RAB11FIP3: variants seen among roughly 807,000 people sequenced by gnomAD.
The protein encoded by RAB11FIP3 is RAB11 family interacting protein 3.
Under a neutral mutation model 77.8 loss-of-function variants are expected in RAB11FIP3, and 17 were observed. That is an observed-to-expected ratio of 0.22 (90% CI 0.15 to 0.33). The LOEUF is 0.33. Among genes scored for constraint, RAB11FIP3 ranks in the 10% least tolerant of loss-of-function variants. The probability of loss-of-function intolerance (pLI) is 1.00; values close to 1 mark genes in which losing one functional copy is unlikely to be tolerated. For missense variants in RAB11FIP3, 1,005 were observed against 1,011.2 expected, an observed-to-expected ratio of 0.99 and a Z score of 0.08; for synonymous variants, 437 against 448.2, an observed-to-expected ratio of 0.98 and a Z score of 0.31.
chr16:501,732 GAGA>G (rs1355095463), intron 6 of RAB11FIP3, among the ~76,000 whole-genome samples: 1 of 135,276 alleles, frequency 7.4e-6, no homozygotes, highest in Non-Finnish European at 1.6e-5. Context: ...GACAAGTTCG[GAGA>G]AGGTCCCCCA....
At chr16:491,735 C>T (rs1429315451) in intron 5 of RAB11FIP3, among the ~76,000 whole-genome samples, 3 of 152,180 alleles carry the variant, frequency 2.0e-5, no homozygotes. Context: ...TGTGGCTGGC[C>T]CTCATGTCTA....
At chr16:510,018 C>G (rs769232178) in intron 8 of RAB11FIP3, among the ~76,000 whole-genome samples, 4 of 152,226 alleles carry the variant, frequency 2.6e-5, no homozygotes, top group Non-Finnish European at 5.9e-5. Context: ...CCTGGCACCT[C>G]CACGCCCCGT....
intron 5 of RAB11FIP3, among the ~76,000 whole-genome samples, chr16:489,434 G>C (rs896281481): frequency 3.3e-5 from 5 of 152,184 alleles, no homozygotes; most frequent in Non-Finnish European, 5.9e-5. Flanking sequence ...AGCACAACAC[G>C]CAGTGGGCGA....
chr16:492,386 A>AGGGCCCTCCCCGG lies in RAB11FIP3; in HGVS notation c.1265+3387_1265+3388insGGCCCTCCCCGGG, dbSNP rs1567391915. Reference sequence around the variant, plus strand: ...CTTCCCGGGAGACCCGAGGCCGCCCAGAGCCCTCCCCGGGAGACCCGAGGC... The same window carrying AGGGCCCTCCCCGG: ...CTTCCCGGGAGACCCGAGGCCGCCCAGGGCCCTCCCCGGGAGCCCTCCCCGGGAGACCCGAGGC... On this transcript the variant is annotated intron_variant, in intron 5 of 13. Transcript: ENST00000262305. Among the ~76,000 whole-genome samples, 103 of 143,460 alleles carry AGGGCCCTCCCCGG rather than the reference A, an allele frequency of 7.2e-4. 8 individuals carry two copies. Among genetic ancestry groups the AGGGCCCTCCCCGG allele is most frequent in the Middle Eastern group, 3.8e-3 (1 of 266 alleles). 94.1% of individuals were successfully genotyped at this position (143,460 alleles called of 152,430 possible).
At chr16:496,901 G>A (rs1846628611) in intron 6 of RAB11FIP3, 42 bp downstream of exon 6, 3 of 1,497,864 alleles carry the variant, frequency 2.0e-6, no homozygotes, top group Non-Finnish European at 2.8e-6. Flanking sequence ...GTTCTGAAGT[G>A]GATAATTAAT....
chr16:481,170 C>T (rs1025366529), intron 3 of RAB11FIP3, among the ~76,000 whole-genome samples: 1 of 151,918 alleles, frequency 6.6e-6, no homozygotes, highest in Non-Finnish European at 1.5e-5. Context: ...CAGGTTGGAG[C>T]ACAGTGGTGT....
At chr16:431,911 C>T (rs1325675326) in intron 1 of RAB11FIP3, among the ~76,000 whole-genome samples, 5 of 151,958 alleles carry the variant, frequency 3.3e-5, no homozygotes, top group Non-Finnish European at 7.4e-5. Flanking sequence ...CGCCCGCCAC[C>T]CCTCCCGGCT....
At chr16:477,984 G>A (rs1258675938) in intron 3 of RAB11FIP3, among the ~76,000 whole-genome samples, 3 of 152,128 alleles carry the variant, frequency 2.0e-5, no homozygotes, top group Non-Finnish European at 4.4e-5. Context: ...ACCCCCGTTT[G>A]CGGCAGGGCT....
At chr16:431,993 A>C (rs1285929977) in intron 1 of RAB11FIP3, among the ~76,000 whole-genome samples, 1 of 151,828 alleles carries the variant, frequency 6.6e-6, no homozygotes, top group Non-Finnish European at 1.5e-5. Flanking sequence ...TCCTGACCGC[A>C]TGATCCGCCC....
chr16:461,876 G>A lies in RAB11FIP3; in HGVS notation c.808+379G>A, dbSNP rs926965918. Among the ~76,000 whole-genome samples the A allele has an allele frequency of 2.6e-5, 4 of 152,144 alleles. No homozygotes were observed. Reference sequence around the variant, plus strand: ...CGTCGCACTCTCTCCCCACGTCTCTGTCCATCTCCAGTCTGTCCCCCAGCC... The same window carrying A: ...CGTCGCACTCTCTCCCCACGTCTCTATCCATCTCCAGTCTGTCCCCCAGCC... On this transcript the variant is annotated intron_variant, in intron 2 of 13. Transcript: ENST00000262305. The surrounding 1 kb of genome is among the most constrained non-coding windows in gnomAD (Gnocchi z 4.5).
chr16:495,446 C>T (rs1017269773), intron 5 of RAB11FIP3, among the ~76,000 whole-genome samples: 6 of 152,234 alleles, frequency 3.9e-5, no homozygotes, highest in African/African-American at 1.4e-4. Context: ...CCCTAGAGAA[C>T]AGCTACCCGA....
At chr16:445,244 C>A (rs371592610) in intron 1 of RAB11FIP3, among the ~76,000 whole-genome samples, 2 of 151,082 alleles carry the variant, frequency 1.3e-5, no homozygotes, top group African/African-American at 4.9e-5. Context: ...ACCAGCCTGG[C>A]CAACATGGTG....
intron 1 of RAB11FIP3, among the ~76,000 whole-genome samples, chr16:429,264 A>G (rs1425636226): frequency 1.3e-5 from 2 of 152,126 alleles, no homozygotes; most frequent in Non-Finnish European, 2.9e-5. Flanking sequence ...TCCTGACATT[A>G]TATCATTTCT....
chr16:510,661 G>A lies in RAB11FIP3; in HGVS notation c.1501G>A (p.Ala501Thr), dbSNP rs763430916. ...CAGCTCCTCCCTTTGCCTTTCAAGA[G>A]CAAACGCCCTGGAGGAGCAGCTGAA... ...RQENLQLVHR[A>T]NALEEQLKEQ... Residue 501 changes from alanine (A) to threonine (T), a missense_variant and splice_region_variant, in exon 9 of 14, where the codon GCA (alanine) becomes ACA (threonine). Physicochemically the swap from Ala to Thr is moderately conservative, Grantham distance 58 (BLOSUM62 0). Transcript: ENST00000262305. The A allele has an allele frequency of 2.5e-6, 4 of 1,602,430 alleles. No individual in the cohort carries two copies. The highest frequency in any genetic ancestry group is 1.1e-5 in the South Asian group (1 of 89,478).
rs1213996358 is a variant in RAB11FIP3 at position 514,355 on chromosome 16, A to T, written c.1640+3555A>T. ...CAGGAAGACCCTGGTCAGTGCAAAG[A>T]CACTGTCTCAGTCCGGGGTCCTCAG... On this transcript the variant is annotated intron_variant, in intron 9 of 13. Transcript: ENST00000262305. This position sits in a 1 kb window ranked among gnomAD's most constrained non-coding sequence, Gnocchi z 4.6. Among the ~76,000 whole-genome samples, 1 of 152,096 alleles carries T rather than the reference A, an allele frequency of 6.6e-6. No homozygotes were observed. Among genetic ancestry groups the T allele is most frequent in the Non-Finnish European group, 1.5e-5 (1 of 68,022 alleles).
In RAB11FIP3 at chr16:461,939, C is replaced by T. The variant is rs765028621; in HGVS notation, c.808+442C>T. Among the ~76,000 whole-genome samples the T allele has an allele frequency of 3.3e-5, 5 of 152,174 alleles. No individual in the cohort carries two copies. The East Asian group carries it at 5.8e-4, about 18-fold the overall frequency. The stretch of plus-strand genomic sequence containing the variant: ...GATGTGTTTGTAATCAGCATGCTTC[C>T]GCGCACACCGCCCTGAACACTGCAG... On this transcript the variant is annotated intron_variant, in intron 2 of 13. Coordinates refer to ENST00000262305, the MANE Select transcript of RAB11FIP3 (RefSeq NM_014700.4). The surrounding 1 kb of genome is among the most constrained non-coding windows in gnomAD (Gnocchi z 4.5).
At chr16:435,275 T>C (rs1226928035) in intron 1 of RAB11FIP3, among the ~76,000 whole-genome samples, 2 of 152,058 alleles carry the variant, frequency 1.3e-5, no homozygotes, top group Admixed American at 6.5e-5. Flanking sequence ...AAGAGTTTAG[T>C]TCTGTGTAGA....
At chr16:483,097 C>G (rs1429606040) in intron 4 of RAB11FIP3, among the ~76,000 whole-genome samples, 1 of 152,196 alleles carries the variant, frequency 6.6e-6, no homozygotes, top group African/African-American at 2.4e-5. Context: ...CTCTCCCCAC[C>G]TGTCCCCCAC....
Position 431,382 on chromosome 16 carries a change from C to CT in RAB11FIP3, c.714+4677dup, listed in dbSNP as rs773557516. On this transcript the variant is annotated intron_variant, in intron 1 of 13. Coordinates refer to ENST00000262305, the MANE Select transcript of RAB11FIP3 (RefSeq NM_014700.4). ...TTATTTTACTACATTTCTTTTCAGA[C>CT]TTTTTTTTTTTTTTTGAAATAGAGT... is the stretch of plus-strand genomic sequence containing the variant. 2.3e-3 allele frequency among the ~76,000 whole-genome samples: 336 copies of CT among 143,382 alleles called. 2 individuals are homozygous for CT. The highest frequency in any genetic ancestry group is 5.1e-3 in the African/African-American group (199 of 39,236). 94.1% of individuals were successfully genotyped at this position (143,382 alleles called of 152,430 possible).
Sources: gnomAD v4.1 joint callset for allele counts (sites outside exome capture counted in the v4.1 genomes callset) on GRCh38, gnomAD v4.1.1 for gene constraint, Gnocchi (gnomAD v3.1) non-coding constraint, MANE v1.5 for transcripts, NCBI Gene and HGNC (gene_info 2026-07-23, HGNC 2026-07-21) for gene names.